Variants in SMYD3 observed in about 807,000 individuals in gnomAD.
SMYD3 encodes the protein SET and MYND domain containing 3.
A neutral mutation model predicts 57.7 loss-of-function variants in SMYD3; 36 were observed. The ratio of observed to expected loss-of-function variants is 0.62; its 90% CI spans 0.48 to 0.82. The LOEUF is 0.82. SMYD3 is among the 40% of genes least tolerant of loss of function. The pLI is 0.00. For synonymous variants in SMYD3, 211 were observed against 195.0 expected, an observed-to-expected ratio of 1.08 and a Z score of -0.68; for missense variants, 515 against 538.8, an observed-to-expected ratio of 0.96 and a Z score of 0.44.
At chr1:245,923,523 C>A (rs560142833) in intron 7 of SMYD3, among the ~76,000 whole-genome samples, 1 of 152,130 alleles carries the variant, frequency 6.6e-6, no homozygotes, top group Non-Finnish European at 1.5e-5. Flanking sequence ...TAAATTCTTT[C>A]GTCGTCTATT....
At chr1:245,998,364 C>G (rs769644585) in intron 5 of SMYD3, among the ~76,000 whole-genome samples, 1 of 152,176 alleles carries the variant, frequency 6.6e-6, no homozygotes, top group Non-Finnish European at 1.5e-5. Flanking sequence ...ATAAATAATT[C>G]TAAGTCAGTG....
chr1:246,074,120 C>T (rs1232965736), intron 5 of SMYD3, among the ~76,000 whole-genome samples: 1 of 152,076 alleles, frequency 6.6e-6, no homozygotes, highest in Non-Finnish European at 1.5e-5. Flanking sequence ...TTATGTATGG[C>T]TCAAGACAAT....
chr1:246,278,437 C>T (rs2064378132), intron 5 of SMYD3, among the ~76,000 whole-genome samples: 1 of 152,106 alleles, frequency 6.6e-6, no homozygotes, highest in African/African-American at 2.4e-5. Flanking sequence ...TCATAAAACT[C>T]CATCTTGCCA....
In SMYD3 at chr1:246,328,644, AT is replaced by A. The variant is rs201447584; in HGVS notation, c.395-1308del. 7.3e-4 allele frequency among the ~76,000 whole-genome samples: 110 copies of A among 149,762 alleles called. 1 individual carries two copies. The highest frequency in any genetic ancestry group is 2.3e-3 in the African/African-American group (96 of 40,936). On this transcript the variant is annotated intron_variant, in intron 4 of 11. Coordinates refer to ENST00000490107, the MANE Select transcript of SMYD3 (RefSeq NM_001167740.2). The stretch of plus-strand genomic sequence containing the variant: ...TTTTTTCTATTTTATATGCTTGTTA[AT>A]TTTTTTTTGATGGTAAATATATGTT...
At chr1:246,053,042 G>A (rs2060088392) in intron 5 of SMYD3, 1 of 152,420 alleles carries the variant, frequency 6.6e-6, no homozygotes, top group South Asian at 2.0e-4. Flanking sequence ...TTGAAGACCA[G>A]TCTGGGCAAC....
intron 2 of SMYD3, among the ~76,000 whole-genome samples, chr1:246,347,498 A>C (rs1037168771): frequency 6.6e-5 from 10 of 152,236 alleles, no homozygotes; most frequent in African/African-American, 2.2e-4. Context: ...AAATGGTTTC[A>C]GTAATATGTC....
At chr1:245,787,765 C>T (rs1174793548) in intron 10 of SMYD3, among the ~76,000 whole-genome samples, 1 of 152,124 alleles carries the variant, frequency 6.6e-6, no homozygotes, top group Non-Finnish European at 1.5e-5. Flanking sequence ...TGAAACAACA[C>T]AACTACGTGC....
chr1:246,475,322 T>C (rs1357241852), intron 1 of SMYD3, among the ~76,000 whole-genome samples: 1 of 133,304 alleles, frequency 7.5e-6, no homozygotes, highest in African/African-American at 3.2e-5. Flanking sequence ...AGCGAGAGAC[T>C]GTCTCAGAAA....
At chr1:246,494,697 C>T (rs10924746) in intron 1 of SMYD3, among the ~76,000 whole-genome samples, 9 of 152,118 alleles carry the variant, frequency 5.9e-5, no homozygotes, top group Non-Finnish European at 1.0e-4. Context: ...TCTAACAAGA[C>T]GTAAACACAG....
intron 5 of SMYD3, among the ~76,000 whole-genome samples, chr1:246,046,330 A>G (rs2059963491): frequency 6.6e-6 from 1 of 152,166 alleles, no homozygotes; most frequent in Non-Finnish European, 1.5e-5. Flanking sequence ...TTGTAGGGAC[A>G]TGGATGAAGC....
At chr1:246,140,125 T>C (rs906386851) in intron 5 of SMYD3, among the ~76,000 whole-genome samples, 4 of 152,206 alleles carry the variant, frequency 2.6e-5, no homozygotes, top group East Asian at 3.8e-4. Flanking sequence ...TGCACATATA[T>C]ACAAATGAGA....
At chr1:245,815,668 A>C (rs988000865) in intron 10 of SMYD3, among the ~76,000 whole-genome samples, 6 of 152,268 alleles carry the variant, frequency 3.9e-5, no homozygotes, top group South Asian at 2.1e-4. Context: ...AAAAGCATTA[A>C]AACATCATTC....
At position 246,307,423 on chromosome 1, in the gene SMYD3, T is replaced by TG. The variant is rs1001079038; in HGVS notation, c.531+19777_531+19778insC. On this transcript the variant is annotated intron_variant, in intron 5 of 11. Coordinates refer to ENST00000490107, the MANE Select transcript of SMYD3 (RefSeq NM_001167740.2). ...ATAAATTAGGGGATTCTTTTTTTTT[T>TG]TTTTTTTTTTTTTTGAGACGGAGTC... Among the ~76,000 whole-genome samples the TG allele has an allele frequency of 1.6e-4, 23 of 140,852 alleles. 1 individual carries two copies. The highest frequency in any genetic ancestry group is 6.0e-4 in the African/African-American group (22 of 36,380). The allele number at this position is 140,852 out of a possible 152,430, so 92.4% of individuals were successfully genotyped here.
intron 8 of SMYD3, among the ~76,000 whole-genome samples, chr1:245,912,679 C>T (rs1288186454): frequency 6.6e-6 from 1 of 152,002 alleles, no homozygotes; most frequent in Non-Finnish European, 1.5e-5. Flanking sequence ...TGGAACAGAA[C>T]AGAAAACGCA....
At chr1:246,260,758 T>A (rs1329807740) in intron 5 of SMYD3, among the ~76,000 whole-genome samples, 4 of 151,854 alleles carry the variant, frequency 2.6e-5, no homozygotes. Flanking sequence ...AAAAAGCTCA[T>A]ACAGTTTATC....
chr1:245,891,574 T>C (rs1408872029), intron 8 of SMYD3, among the ~76,000 whole-genome samples: 1 of 152,232 alleles, frequency 6.6e-6, no homozygotes, highest in Non-Finnish European at 1.5e-5. Flanking sequence ...CCTTCTGCTA[T>C]GTACACCCCC....
intron 11 of SMYD3, among the ~76,000 whole-genome samples, chr1:245,751,398 C>A (rs1369661578): frequency 6.6e-6 from 1 of 152,078 alleles, no homozygotes; most frequent in Non-Finnish European, 1.5e-5. Flanking sequence ...CTTCGAGAAA[C>A]AAAGCATTTC....
chr1:246,053,051 A>G (rs2060088503), intron 5 of SMYD3: 1 of 152,406 alleles, frequency 6.6e-6, no homozygotes, highest in Non-Finnish European at 1.5e-5. Flanking sequence ...AGTCTGGGCA[A>G]CATGGCAAGA....
intron 10 of SMYD3, among the ~76,000 whole-genome samples, chr1:245,840,716 T>C (rs1045626285): frequency 2.0e-5 from 3 of 151,178 alleles, no homozygotes; most frequent in African/African-American, 7.3e-5. Context: ...AGGTAATAAA[T>C]ATAACTCTGA....
Sources: allele counts gnomAD v4.1 joint callset (sites outside exome capture counted in the v4.1 genomes callset), GRCh38; gene constraint gnomAD v4.1.1; transcripts MANE v1.5; gene names NCBI Gene and HGNC (gene_info 2026-07-23, HGNC 2026-07-21).